BTBD9: variants seen among roughly 807,000 people sequenced by gnomAD.
BTBD9 encodes BTB domain containing 9.
BTBD9 carries 49 observed loss-of-function variants against 64.3 expected under a neutral mutation model. The ratio of observed to expected loss-of-function variants is 0.76; its 90% CI spans 0.61 to 0.97. The LOEUF is 0.97. BTBD9 is among the 50% of genes least tolerant of loss of function. BTBD9 has a pLI of 0.00. For missense variants in BTBD9, 598 were observed against 762.1 expected, an observed-to-expected ratio of 0.78 and a Z score of 2.53; for synonymous variants, 260 against 274.7, an observed-to-expected ratio of 0.95 and a Z score of 0.53.
At chr6:38,546,745 C>T (rs369004886) in intron 6 of BTBD9, among the ~76,000 whole-genome samples, 38 of 152,146 alleles carry the variant, frequency 2.5e-4, no homozygotes, top group African/African-American at 8.9e-4. Flanking sequence ...CTTGGCTCAC[C>T]GCAACCTCCA....
rs201567537 is a variant in BTBD9 at position 38,421,833 on chromosome 6, TAAAG to T, written c.1155-76744_1155-76741del. Among the ~76,000 whole-genome samples the T allele has an allele frequency of 7.3e-3, 1,114 of 151,926 alleles. 9 individuals carry two copies. The highest frequency in any genetic ancestry group is 0.025 in the African/African-American group (1,052 of 41,408). On this transcript the variant is annotated intron_variant, in intron 6 of 10. Coordinates refer to ENST00000481247, the MANE Select transcript of BTBD9 (RefSeq NM_001099272.2). ...GGGTACATCAGTAATGCAAAAGAAATAAAGAAAGAAAAGTAAATGGAGAGTATAA... is the reference window on the plus strand; with the variant it reads ...GGGTACATCAGTAATGCAAAAGAAATAAAGAAAAGTAAATGGAGAGTATAA...
chr6:38,510,735 A>C (rs528302943), intron 6 of BTBD9, among the ~76,000 whole-genome samples: 25 of 152,162 alleles, frequency 1.6e-4, no homozygotes, highest in Admixed American at 3.3e-4. Context: ...AAATACTAAG[A>C]CATAAACATA....
In BTBD9 at chr6:38,274,360, A is replaced by G. The variant is rs181409510; in HGVS notation, c.1454+13912T>C. ...TTTGACTTCCTCTTTTCCTAATTGA[A>G]TACCCTTTATTTCCTTCTCCTGCCT... On this transcript the variant is annotated intron_variant, in intron 8 of 10. Coordinates refer to ENST00000481247, the MANE Select transcript of BTBD9 (RefSeq NM_001099272.2). 6.0e-3 allele frequency among the ~76,000 whole-genome samples: 907 copies of G among 152,236 alleles called. 3 individuals are homozygous for G. The highest frequency in any genetic ancestry group is 9.5e-3 in the Non-Finnish European group (643 of 68,010).
At chr6:38,414,072 C>T (rs1182770673) in intron 6 of BTBD9, among the ~76,000 whole-genome samples, 2 of 152,080 alleles carry the variant, frequency 1.3e-5, no homozygotes, top group South Asian at 2.1e-4. Context: ...AGAGTACCCC[C>T]AAAAGTTTCA....
At chr6:38,597,792 G>C in intron 2 of BTBD9, 118 bp downstream of exon 2, 1 of 819,422 alleles carries the variant, frequency 1.2e-6, no homozygotes, top group Non-Finnish European at 1.9e-6. Context: ...CATAGATATT[G>C]AATTGAGAGA....
intron 7 of BTBD9, among the ~76,000 whole-genome samples, chr6:38,328,675 C>T (rs970498326): frequency 1.3e-5 from 2 of 149,092 alleles, no homozygotes; most frequent in African/African-American, 2.5e-5. Context: ...GGGCCGGGCG[C>T]GGTGGCTCAC....
At chr6:38,635,611 G>C (rs1332454658) in intron 1 of BTBD9, among the ~76,000 whole-genome samples, 1 of 152,170 alleles carries the variant, frequency 6.6e-6, no homozygotes, top group Non-Finnish European at 1.5e-5. Context: ...AGTAGAGTGG[G>C]AATAGGTTGA....
At chr6:38,214,619 G>A (rs551644978) in intron 9 of BTBD9, among the ~76,000 whole-genome samples, 285 of 152,214 alleles carry the variant, frequency 1.9e-3, no homozygotes, top group South Asian at 7.0e-3. Flanking sequence ...GGGAGGTCGC[G>A]TGCTTTTTGT....
chr6:38,209,327 C>T (rs1162076448), intron 9 of BTBD9, among the ~76,000 whole-genome samples: 6 of 152,274 alleles, frequency 3.9e-5, no homozygotes, highest in Middle Eastern at 3.4e-3. Context: ...AAATTCTTTG[C>T]GGATTTAGCA....
In BTBD9 at chr6:38,319,835, C is replaced by T. The variant is rs145448727; in HGVS notation, c.1264+25149G>A. Among the ~76,000 whole-genome samples, 73 of 152,198 alleles carry T rather than the reference C, an allele frequency of 4.8e-4. 1 individual carries two copies. The East Asian group carries it at 8.5e-3, about 18-fold the overall frequency. On this transcript the variant is annotated intron_variant, in intron 7 of 10. Coordinates refer to ENST00000481247, the MANE Select transcript of BTBD9 (RefSeq NM_001099272.2). ...GGTTGCATACTCCCCAAGTCACTGGCTCTTAGCCCAGCACAGCACTAGGGC... is the reference window on the plus strand; with the variant it reads ...GGTTGCATACTCCCCAAGTCACTGGTTCTTAGCCCAGCACAGCACTAGGGC...
chr6:38,322,388 A>C (rs569989670), intron 7 of BTBD9, among the ~76,000 whole-genome samples: 5 of 152,294 alleles, frequency 3.3e-5, no homozygotes, highest in South Asian at 4.1e-4. Context: ...GCTGTGACTT[A>C]CCTAATGCAT....
chr6:38,587,340 C>A, intron 4 of BTBD9: 1 of 449,818 alleles, frequency 2.2e-6, no homozygotes, highest in South Asian at 1.9e-5. Context: ...GACAGTTGGA[C>A]CTAAGTGGGA....
At chr6:38,374,727 T>C (rs1379226801) in intron 6 of BTBD9, among the ~76,000 whole-genome samples, 5 of 152,166 alleles carry the variant, frequency 3.3e-5, no homozygotes, top group East Asian at 1.9e-4. Context: ...TAACCCTGCA[T>C]AGAAATCAGC....
chr6:38,410,200 G>A (rs925392965), intron 6 of BTBD9, among the ~76,000 whole-genome samples: 1 of 152,176 alleles, frequency 6.6e-6, no homozygotes, highest in Non-Finnish European at 1.5e-5. Context: ...TCCAGGCATG[G>A]TGGCTCACAC....
chr6:38,452,106 C>T (rs1769583556), intron 6 of BTBD9, among the ~76,000 whole-genome samples: 1 of 152,094 alleles, frequency 6.6e-6, no homozygotes, highest in African/African-American at 2.4e-5. Context: ...ATAACAGGAA[C>T]AACACTTCTA....
At chr6:38,186,544 C>G (rs1270247578) in intron 10 of BTBD9, among the ~76,000 whole-genome samples, 1 of 152,032 alleles carries the variant, frequency 6.6e-6, no homozygotes, top group African/African-American at 2.4e-5. Context: ...CTTTCTTTGA[C>G]TGACTGACTG....
chr6:38,522,281 AAAC>A (rs1773303278), intron 6 of BTBD9, among the ~76,000 whole-genome samples: 1 of 152,186 alleles, frequency 6.6e-6, no homozygotes, highest in African/African-American at 2.4e-5. Flanking sequence ...AAAAACAAAA[AAAC>A]AAAAAACCAA....
At chr6:38,202,473 A>G (rs1270612906) in intron 9 of BTBD9, among the ~76,000 whole-genome samples, 1 of 152,158 alleles carries the variant, frequency 6.6e-6, no homozygotes, top group Non-Finnish European at 1.5e-5. Context: ...CAATCCTAAG[A>G]AAAAAGAACA....
intron 6 of BTBD9, among the ~76,000 whole-genome samples, chr6:38,546,437 GA>G (rs1774557944): frequency 6.6e-6 from 1 of 152,084 alleles, no homozygotes; most frequent in South Asian, 2.1e-4. Context: ...TATACATGGT[GA>G]TTTTTTTAAT....
Sources: gnomAD v4.1 joint callset for allele counts (sites outside exome capture counted in the v4.1 genomes callset) on GRCh38, gnomAD v4.1.1 for gene constraint, MANE v1.5 for transcripts, NCBI Gene and HGNC (gene_info 2026-07-23, HGNC 2026-07-21) for gene names.